SAMD5: variants seen among roughly 807,000 people sequenced by gnomAD.
SAMD5 encodes sterile alpha motif domain-containing protein 5.
In SAMD5, 13 loss-of-function variants were observed where a neutral mutation model predicts 11.3. The ratio of observed to expected loss-of-function variants is 1.15; its 90% CI spans 0.75 to 1.83. The LOEUF (loss-of-function observed/expected upper bound fraction) is 1.83. Ranked by LOEUF, SAMD5 falls within the 40% of genes most tolerant of loss-of-function variation. SAMD5 has a pLI of 0.00. For missense variants in SAMD5, 255 were observed against 239.1 expected, an observed-to-expected ratio of 1.07 and a Z score of -0.44; for synonymous variants, 129 against 111.3, an observed-to-expected ratio of 1.16 and a Z score of -1.00.
chr6:147,713,561 A>G (rs1015114736), intron 1 of SAMD5, among the ~76,000 whole-genome samples: 11 of 152,190 alleles, frequency 7.2e-5, no homozygotes, highest in Admixed American at 5.2e-4. Flanking sequence ...ACCCTGTATC[A>G]TGAAATCTCA....
At chr6:147,729,123 C>T (rs73016106) in intron 1 of SAMD5, among the ~76,000 whole-genome samples, 11,044 of 152,286 alleles carry the variant, frequency 0.073, 485 homozygotes, top group Non-Finnish European at 0.091. Context: ...TGTGTCCTCA[C>T]ATGGCCTTTG....
intron 1 of SAMD5, among the ~76,000 whole-genome samples, chr6:147,638,078 A>G (rs1790256481): frequency 6.6e-6 from 1 of 152,066 alleles, no homozygotes; most frequent in African/African-American, 2.4e-5. Context: ...AAGCTTTGCC[A>G]TTTATACCTG....
intron 1 of SAMD5, among the ~76,000 whole-genome samples, chr6:147,683,476 T>A (rs1790968227): frequency 6.6e-6 from 1 of 152,254 alleles, no homozygotes; most frequent in Non-Finnish European, 1.5e-5. Flanking sequence ...AACAAATATA[T>A]TACATGGGTA....
At chr6:147,573,096 C>T (rs117264090), downstream of SAMD5, among the ~76,000 whole-genome samples, 635 of 152,252 alleles carry the variant, frequency 4.2e-3, no homozygotes, top group Non-Finnish European at 7.6e-3. Flanking sequence ...TCCTTTTCTT[C>T]CTCTGATATA....
the SAMD5 span, among the ~76,000 whole-genome samples, chr6:147,795,062 AT>A: frequency 1.0e-4 from 15 of 150,592 alleles, no homozygotes; most frequent in South Asian, 6.4e-4. Context: ...ATCCCATCCT[AT>A]TTTTTTTTAT....
At chr6:147,657,339 A>C in intron 1 of SAMD5, among the ~76,000 whole-genome samples, 1 of 152,304 alleles carries the variant, frequency 6.6e-6, no homozygotes, top group Admixed American at 6.5e-5. Flanking sequence ...TGATAACTGT[A>C]CTGTGGCCAT....
At chr6:147,624,855 T>A (rs1790027645) in intron 1 of SAMD5, among the ~76,000 whole-genome samples, 1 of 148,598 alleles carries the variant, frequency 6.7e-6, no homozygotes, top group Non-Finnish European at 1.5e-5. Flanking sequence ...ACTACCTGTT[T>A]CCCAAAAACC....
chr6:147,903,029 C>A, the SAMD5 span, among the ~76,000 whole-genome samples: 1 of 152,146 alleles, frequency 6.6e-6, no homozygotes, highest in Non-Finnish European at 1.5e-5. Context: ...TTTGAAGCCA[C>A]AATCTTGGCC....
chr6:147,582,912 G>T (rs1432750846), intron 1 of SAMD5, among the ~76,000 whole-genome samples: 1 of 152,208 alleles, frequency 6.6e-6, no homozygotes, highest in East Asian at 1.9e-4. Context: ...GCCTACCACA[G>T]TGTACAGCTC....
intron 1 of SAMD5, among the ~76,000 whole-genome samples, chr6:147,589,215 T>C (rs563410568): frequency 6.6e-6 from 1 of 152,270 alleles, no homozygotes; most frequent in East Asian, 1.9e-4. Context: ...TGCCTTGGCC[T>C]CCCAAAGTGC....
intron 1 of SAMD5, among the ~76,000 whole-genome samples, chr6:147,677,170 A>T (rs906360405): frequency 6.6e-6 from 1 of 152,154 alleles, no homozygotes; most frequent in African/African-American, 2.4e-5. Flanking sequence ...ATCAGCAAGG[A>T]TGTCTCAGAG....
At chr6:147,894,362 T>TG in the SAMD5 span, among the ~76,000 whole-genome samples, 1 of 152,126 alleles carries the variant, frequency 6.6e-6, no homozygotes, top group African/African-American at 2.4e-5. Context: ...GACCTTGTGA[T>TG]CCGCCTGCAT....
the SAMD5 span, among the ~76,000 whole-genome samples, chr6:147,787,449 T>C: frequency 2.4e-4 from 37 of 152,288 alleles, no homozygotes; most frequent in African/African-American, 8.2e-4. Flanking sequence ...TGAGTTTCCA[T>C]GTAAGTCAAA....
intron 1 of SAMD5, among the ~76,000 whole-genome samples, chr6:147,605,149 G>T (rs922061661): frequency 6.6e-6 from 1 of 152,118 alleles, no homozygotes; most frequent in African/African-American, 2.4e-5. Context: ...GACAAGGACT[G>T]GCTCTGTTTT....
At chr6:147,790,783 TC>T in the SAMD5 span, among the ~76,000 whole-genome samples, 29,879 of 96,350 alleles carry the variant, frequency 0.31, 4,692 homozygotes, top group African/African-American at 0.48. Flanking sequence ...TCTCTCTCTC[TC>T]TCTCTCTCTC....
chr6:147,879,506 G>A, the SAMD5 span, among the ~76,000 whole-genome samples: 1 of 152,188 alleles, frequency 6.6e-6, no homozygotes, highest in South Asian at 2.1e-4. Context: ...GGAAAATGAT[G>A]TTTCAAAGGT....
the SAMD5 span, among the ~76,000 whole-genome samples, chr6:147,878,576 T>C: frequency 1.4e-5 from 2 of 147,780 alleles, no homozygotes; most frequent in African/African-American, 4.9e-5. Flanking sequence ...ACTAGATATA[T>C]CTCTATATAG....
chr6:147,608,131 G>A (rs1366883665), intron 1 of SAMD5, among the ~76,000 whole-genome samples: 1 of 152,140 alleles, frequency 6.6e-6, no homozygotes. Context: ...CAAAAGACAG[G>A]CAATAACACA....
the SAMD5 span, among the ~76,000 whole-genome samples, chr6:147,835,322 G>A: frequency 1.3e-5 from 2 of 151,588 alleles, no homozygotes; most frequent in Admixed American, 1.3e-4. Context: ...TCTTTGAGAA[G>A]CTGTGAGCCT....
Sources: gnomAD v4.1 joint callset for allele counts (sites outside exome capture counted in the v4.1 genomes callset) on GRCh38, gnomAD v4.1.1 for gene constraint, MANE v1.5 for transcripts, NCBI Gene and HGNC (gene_info 2026-07-23, HGNC 2026-07-21) for gene names.